N4BP2: variants seen among roughly 807,000 people sequenced by gnomAD.
N4BP2 encodes NEDD4-binding protein 2.
Under a neutral mutation model 152.8 loss-of-function variants are expected in N4BP2, and 91 were observed. The observed-to-expected ratio is 0.60, with a 90% CI of 0.50 to 0.71. The LOEUF (loss-of-function observed/expected upper bound fraction) is 0.71. Among genes scored for constraint, N4BP2 ranks in the 30% least tolerant of loss-of-function variants. The pLI, the probability that N4BP2 is intolerant of heterozygous loss-of-function variation, is 0.00. For missense variants in N4BP2, 1,923 were observed against 2,059.1 expected, an observed-to-expected ratio of 0.93 and a Z score of 1.28; for synonymous variants, 646 against 705.3, an observed-to-expected ratio of 0.92 and a Z score of 1.33.
At chr4:40,143,945 C>G (rs187810353) in intron 15 of N4BP2, among the ~76,000 whole-genome samples, 1 of 152,016 alleles carries the variant, frequency 6.6e-6, no homozygotes, top group African/African-American at 2.4e-5. Flanking sequence ...CAGCTGTAAG[C>G]TAGAGAACCA....
intron 2 of N4BP2, among the ~76,000 whole-genome samples, chr4:40,085,530 C>T (rs1428148466): frequency 3.3e-5 from 5 of 152,132 alleles, no homozygotes; most frequent in African/African-American, 1.2e-4. Flanking sequence ...AATCATAGCT[C>T]AGTGCAGCCT....
intron 1 of N4BP2, among the ~76,000 whole-genome samples, chr4:40,068,239 T>G (rs545064763): frequency 6.6e-6 from 1 of 152,330 alleles, no homozygotes; most frequent in African/African-American, 2.4e-5. Flanking sequence ...AGATGTATGG[T>G]TTGCAAATAT....
chr4:40,110,804 CTGAGATCATAGGTG>C (rs532605008), intron 5 of N4BP2, among the ~76,000 whole-genome samples: 149 of 152,316 alleles, frequency 9.8e-4, no homozygotes, highest in African/African-American at 3.4e-3. Context: ...TCCCAAAGTG[CTGAGATCATAGGTG>C]TGAGGTACCG....
intron 4 of N4BP2, among the ~76,000 whole-genome samples, chr4:40,103,773 C>A (rs1715938602): frequency 6.6e-6 from 1 of 152,052 alleles, no homozygotes; most frequent in Non-Finnish European, 1.5e-5. Flanking sequence ...ATATATACAC[C>A]TTTATCCCTT....
chr4:40,172,291 T>C, the N4BP2 span, among the ~76,000 whole-genome samples: 2 of 152,198 alleles, frequency 1.3e-5, no homozygotes, highest in African/African-American at 2.4e-5. Flanking sequence ...GATTAGATTG[T>C]GCCTACCCAG....
intron 15 of N4BP2, among the ~76,000 whole-genome samples, chr4:40,143,203 A>G (rs990917329): frequency 5.9e-5 from 9 of 152,190 alleles, no homozygotes; most frequent in Non-Finnish European, 1.2e-4. Flanking sequence ...TCATGTTTGA[A>G]TTTTTGGTAA....
chr4:40,168,941 G>A, the N4BP2 span, among the ~76,000 whole-genome samples: 1 of 152,016 alleles, frequency 6.6e-6, no homozygotes, highest in Admixed American at 6.5e-5. Flanking sequence ...GGCCAAGTTG[G>A]TCTTGAACTC....
chr4:40,074,124 T>A (rs1187290186), intron 2 of N4BP2, among the ~76,000 whole-genome samples: 1 of 149,496 alleles, frequency 6.7e-6, no homozygotes, highest in Non-Finnish European at 1.5e-5. Flanking sequence ...GGAGTGTTGC[T>A]CTATTGCTCA....
intron 14 of N4BP2, among the ~76,000 whole-genome samples, chr4:40,141,354 C>T (rs1221812558): frequency 6.6e-6 from 1 of 151,920 alleles, no homozygotes; most frequent in African/African-American, 2.4e-5. Context: ...GGCGGAGGGT[C>T]TCCTCACTTC....
intron 12 of N4BP2, among the ~76,000 whole-genome samples, chr4:40,127,440 C>T (rs1245241116): frequency 1.3e-5 from 2 of 151,892 alleles, no homozygotes; most frequent in East Asian, 1.9e-4. Context: ...GTCTTACACT[C>T]CTGGGCTCAA....
intron 1 of N4BP2, among the ~76,000 whole-genome samples, chr4:40,058,251 C>T (rs933231067): frequency 2.6e-5 from 4 of 152,158 alleles, no homozygotes; most frequent in African/African-American, 7.2e-5. Flanking sequence ...TAACTCTCAT[C>T]CTTTAATTTT....
rs1721464405 is a variant in N4BP2, at chr4:40,154,830, T to C, written c.*593T>C. On this transcript the variant is annotated 3_prime_UTR_variant, in exon 18 of 18. Transcript: ENST00000261435. ...TATATGACCTTGATCTTTTACCTTT[T>C]GTTCTGTTCTTCTGTGTGCATTTTA... is the stretch of plus-strand genomic sequence containing the variant. 1 of 152,340 alleles carries C rather than the reference T, an allele frequency of 6.6e-6. No homozygotes were observed. Among genetic ancestry groups the C allele is most frequent in the Admixed American group, 6.5e-5 (1 of 15,282 alleles). The allele number at this position is 152,340 out of a possible 1,614,324, so 9.4% of individuals were successfully genotyped here. A position where few individuals can be genotyped will look rare whatever the true frequency, so the allele number is the denominator to read the frequency against.
intron 17 of N4BP2, 109 bp from the exon 18 acceptor site, chr4:40,154,083 G>C: frequency 1.3e-6 from 1 of 742,686 alleles, no homozygotes. Context: ...TCAATACTTT[G>C]GTAGTAAATA....
chr4:40,128,539 G>GTTTTTTTTT (rs11423243), intron 12 of N4BP2, among the ~76,000 whole-genome samples: 1 of 145,086 alleles, frequency 6.9e-6, no homozygotes, highest in African/African-American at 2.5e-5. Context: ...TCTTCTTTCT[G>GTTTTTTTTT]TTTTTTTTTT....
At chr4:40,137,138 A>T (rs1007323016) in intron 14 of N4BP2, 56 bp downstream of exon 14, 2 of 1,369,270 alleles carry the variant, frequency 1.5e-6, no homozygotes, top group Admixed American at 4.2e-5. Context: ...ATAAAAATAT[A>T]ATTGGTTCAT....
chr4:40,143,587 T>G (rs986226984), intron 15 of N4BP2, among the ~76,000 whole-genome samples: 1 of 152,160 alleles, frequency 6.6e-6, no homozygotes, highest in South Asian at 2.1e-4. Context: ...AAGTGCAAGG[T>G]ACTACTTCCG....
At chr4:40,126,850 C>T (rs572323153) in intron 12 of N4BP2, among the ~76,000 whole-genome samples, 5 of 151,764 alleles carry the variant, frequency 3.3e-5, no homozygotes, top group South Asian at 2.1e-4. Flanking sequence ...CTCCATCTTT[C>T]GGGTTCAAAC....
intron 12 of N4BP2, among the ~76,000 whole-genome samples, chr4:40,127,035 A>G (rs1194857693): frequency 6.6e-6 from 1 of 151,826 alleles, no homozygotes; most frequent in East Asian, 1.9e-4. Context: ...CTGGGATTAC[A>G]TGCATGAGCC....
intron 2 of N4BP2, among the ~76,000 whole-genome samples, chr4:40,095,985 T>C (rs1169765578): frequency 6.6e-6 from 1 of 152,126 alleles, no homozygotes; most frequent in Non-Finnish European, 1.5e-5. Flanking sequence ...GGTAGGAGGT[T>C]GGAATATGGT....
Sources: gnomAD v4.1 joint callset for allele counts (sites outside exome capture counted in the v4.1 genomes callset) on GRCh38, gnomAD v4.1.1 for gene constraint, MANE v1.5 for transcripts, NCBI Gene and HGNC (gene_info 2026-07-23, HGNC 2026-07-21) for gene names.